Variants in GPC6 observed in about 807,000 individuals in gnomAD.
GPC6 encodes the protein glypican-6.
GPC6 carries 14 observed loss-of-function variants against 55.2 expected under a neutral mutation model. The observed-to-expected ratio is 0.25, with a 90% CI of 0.17 to 0.40. The LOEUF is 0.40. GPC6 is among the 10% of genes least tolerant of loss of function. The pLI, the probability that GPC6 is intolerant of heterozygous loss-of-function variation, is 1.00. For missense variants in GPC6, 641 were observed against 708.5 expected, an observed-to-expected ratio of 0.90 and a Z score of 1.08; for synonymous variants, 278 against 259.6, an observed-to-expected ratio of 1.07 and a Z score of -0.68.
intron 1 of GPC6, among the ~76,000 whole-genome samples, chr13:93,497,710 C>T (rs188568754): frequency 6.6e-6 from 1 of 152,196 alleles, no homozygotes; most frequent in African/African-American, 2.4e-5. Flanking sequence ...AGTTGAGAAA[C>T]AGAACTGGCA....
chr13:93,936,952 G>A (rs145715702), intron 3 of GPC6, among the ~76,000 whole-genome samples: 6 of 152,320 alleles, frequency 3.9e-5, no homozygotes, highest in East Asian at 1.9e-4. Context: ...CTAGGTGGAC[G>A]AAATGCCTCT....
chr13:93,420,885 C>T (rs1036909290), intron 1 of GPC6, among the ~76,000 whole-genome samples: 2 of 151,790 alleles, frequency 1.3e-5, no homozygotes, highest in African/African-American at 2.4e-5. Flanking sequence ...CCCATGAAGA[C>T]AATACAGGTA....
chr13:94,176,313 C>A (rs144579420), intron 4 of GPC6, among the ~76,000 whole-genome samples: 167 of 152,174 alleles, frequency 1.1e-3, no homozygotes, highest in African/African-American at 3.9e-3. Context: ...GGAATAGGAT[C>A]CCTTCTCTCC....
chr13:93,223,887 A>G (rs1490965200), upstream of GPC6, among the ~76,000 whole-genome samples: 1 of 129,392 alleles, frequency 7.7e-6, no homozygotes, highest in East Asian at 2.4e-4. Context: ...ACCTCATGCT[A>G]TTTGTTTGCT....
At chr13:93,475,402 G>A (rs1383708866) in intron 1 of GPC6, among the ~76,000 whole-genome samples, 1 of 71,004 alleles carries the variant, frequency 1.4e-5, no homozygotes, top group Non-Finnish European at 2.9e-5. Flanking sequence ...GAAACTGTAT[G>A]ATAGTACCTT....
chr13:93,507,032 A>C (rs1291631599), intron 1 of GPC6, among the ~76,000 whole-genome samples: 1 of 136,732 alleles, frequency 7.3e-6, no homozygotes, highest in African/African-American at 2.8e-5. Context: ...ACTGCACTAC[A>C]GCCTGGGCGA....
intron 2 of GPC6, among the ~76,000 whole-genome samples, chr13:93,629,211 T>A (rs1323818649): frequency 6.6e-6 from 1 of 152,120 alleles, no homozygotes; most frequent in Non-Finnish European, 1.5e-5. Context: ...AGATACTAAG[T>A]CTGGTAAATA....
At chr13:94,352,924 G>C (rs1452016046) in intron 6 of GPC6, among the ~76,000 whole-genome samples, 3 of 152,180 alleles carry the variant, frequency 2.0e-5, no homozygotes, top group Non-Finnish European at 4.4e-5. Context: ...GCTACTGGTG[G>C]AATCTGCTTA....
rs953547928 is a variant in GPC6, at chr13:94,405,250, T to C, written c.*2033T>C. On this transcript the variant is annotated 3_prime_UTR_variant, in exon 9 of 9. Coordinates refer to ENST00000377047, the MANE Select transcript of GPC6 (RefSeq NM_005708.5). Reference sequence around the variant, plus strand: ...TTCTTTCATTTAAACCTTTATGAAATTAACCATCTAGTTCATCATTACATA... The same window carrying C: ...TTCTTTCATTTAAACCTTTATGAAACTAACCATCTAGTTCATCATTACATA... The C allele has an allele frequency of 6.6e-6, 1 of 152,170 alleles. No individual in the cohort carries two copies. Among genetic ancestry groups the C allele is most frequent in the African/African-American group, 2.4e-5 (1 of 41,438 alleles). The allele number at this position is 152,170 out of a possible 1,614,324, so 9.4% of individuals were successfully genotyped here. A position where few individuals can be genotyped will look rare whatever the true frequency, so the allele number is the denominator to read the frequency against.
chr13:93,823,269 C>A (rs1445371272), intron 2 of GPC6, among the ~76,000 whole-genome samples: 1 of 151,858 alleles, frequency 6.6e-6, no homozygotes, highest in Non-Finnish European at 1.5e-5. Context: ...ATAATGCTTC[C>A]CATTAATTAT....
rs147635753 is a variant in GPC6 at position 93,781,968 on chromosome 13, T to C, written c.320-48186T>C. Among the ~76,000 whole-genome samples, 709 of 152,286 alleles carry C rather than the reference T, an allele frequency of 4.7e-3. 4 individuals are homozygous for C. The highest frequency in any genetic ancestry group is 0.016 in the African/African-American group (660 of 41,572). On this transcript the variant is annotated intron_variant, in intron 2 of 8. Coordinates refer to ENST00000377047, the MANE Select transcript of GPC6 (RefSeq NM_005708.5). ...GGTAAGAACATTTAAAATCTACTTT[T>C]TTTAGCTATTTTCAAGTATACAGTA...
chr13:93,459,932 C>A (rs1878618163), intron 1 of GPC6, among the ~76,000 whole-genome samples: 1 of 152,114 alleles, frequency 6.6e-6, no homozygotes, highest in Non-Finnish European at 1.5e-5. Context: ...AGGCAAGCCA[C>A]ATTGAGTTTT....
chr13:93,229,539 T>C lies in GPC6; in HGVS notation c.160+1923T>C, dbSNP rs530875220. On this transcript the variant is annotated intron_variant, in intron 1 of 8. Transcript: ENST00000377047. ...AATATCAAAGTGAAGATTTTCAGTG[T>C]AAAACAATTTCTGTAGTCACCATGA... Among the ~76,000 whole-genome samples the C allele has an allele frequency of 4.7e-4, 71 of 152,352 alleles. 2 individuals are homozygous for C. The highest frequency in any genetic ancestry group is 1.7e-3 in the African/African-American group (69 of 41,588).
At chr13:94,067,219 C>T (rs1025063180) in intron 4 of GPC6, among the ~76,000 whole-genome samples, 2 of 152,086 alleles carry the variant, frequency 1.3e-5, no homozygotes, top group African/African-American at 2.4e-5. Context: ...TATATAATAA[C>T]TGATTATGTA....
intron 4 of GPC6, among the ~76,000 whole-genome samples, chr13:94,168,125 C>A (rs1888429298): frequency 6.6e-6 from 1 of 152,214 alleles, no homozygotes; most frequent in Admixed American, 6.5e-5. Context: ...AGTGATTTGA[C>A]CAAGACAACT....
At chr13:94,085,886 G>C (rs1885264672) in intron 4 of GPC6, among the ~76,000 whole-genome samples, 1 of 152,074 alleles carries the variant, frequency 6.6e-6, no homozygotes, top group Admixed American at 6.6e-5. Context: ...GTTTTCATTA[G>C]TTACCCATCT....
intron 1 of GPC6, among the ~76,000 whole-genome samples, chr13:93,476,295 C>T (rs892692190): frequency 2.0e-5 from 3 of 151,656 alleles, no homozygotes; most frequent in Non-Finnish European, 2.9e-5. Context: ...TCTGTGTGTG[C>T]GTGCGTGTGT....
chr13:93,683,644 C>T (rs1295492680), intron 2 of GPC6, among the ~76,000 whole-genome samples: 1 of 152,066 alleles, frequency 6.6e-6, no homozygotes, highest in African/African-American at 2.4e-5. Context: ...TATATTTTTA[C>T]ATATATGTGT....
chr13:93,323,711 AG>A (rs1301977207), intron 1 of GPC6, among the ~76,000 whole-genome samples: 2 of 152,218 alleles, frequency 1.3e-5, no homozygotes, highest in Admixed American at 6.5e-5. Context: ...CCAAGGACTT[AG>A]AGTTTGGTAG....
Sources: gnomAD v4.1 joint callset for allele counts (sites outside exome capture counted in the v4.1 genomes callset) on GRCh38, gnomAD v4.1.1 for gene constraint, MANE v1.5 for transcripts, NCBI Gene and HGNC (gene_info 2026-07-23, HGNC 2026-07-21) for gene names.